RBFOX1: variants seen among roughly 807,000 people sequenced by gnomAD.
RBFOX1 encodes RNA binding protein fox-1 homolog 1.
Under a neutral mutation model 57.7 loss-of-function variants are expected in RBFOX1, and 8 were observed. The observed-to-expected ratio is 0.14, with a 90% CI of 0.08 to 0.25. RBFOX1 has a LOEUF of 0.25. RBFOX1 is among the 10% of genes least tolerant of loss of function. The pLI is 1.00. For missense variants in RBFOX1, 611 were observed against 548.5 expected (o/e 1.11, Z -1.14); for synonymous variants, 326 against 222.4 (o/e 1.47, Z -4.15).
chr16:7,378,392 G>C (rs562993766), intron 4 of RBFOX1, among the ~76,000 whole-genome samples: 1 of 152,238 alleles, frequency 6.6e-6, no homozygotes, highest in East Asian at 1.9e-4. Context: ...AAGCCCCCTG[G>C]AGAGTCCCTG....
At chr16:7,493,181 T>G (rs1316289837) in intron 4 of RBFOX1, among the ~76,000 whole-genome samples, 1 of 152,166 alleles carries the variant, frequency 6.6e-6, no homozygotes, top group Non-Finnish European at 1.5e-5. Context: ...TGCGCAGCCT[T>G]AAGCCCCTTT....
intron 4 of RBFOX1, among the ~76,000 whole-genome samples, chr16:6,007,661 G>A (rs567702962): frequency 6.6e-6 from 1 of 152,196 alleles, no homozygotes; most frequent in Non-Finnish European, 1.5e-5. Flanking sequence ...ACTTTAGTTT[G>A]CGTAAATAGT....
At chr16:6,954,359 C>A (rs546325020) in intron 3 of RBFOX1, among the ~76,000 whole-genome samples, 1 of 152,248 alleles carries the variant, frequency 6.6e-6, no homozygotes, top group Non-Finnish European at 1.5e-5. Context: ...CAATAACGGT[C>A]TTCCATCCAT....
chr16:6,074,376 G>C (rs2095871824), intron 1 of RBFOX1, among the ~76,000 whole-genome samples: 1 of 152,182 alleles, frequency 6.6e-6, no homozygotes, highest in Non-Finnish European at 1.5e-5. Flanking sequence ...TAGCTCTGCA[G>C]ATATTTTCTG....
rs559043761 is a variant in RBFOX1 at position 5,412,227 on chromosome 16, C to T, written c.220-54989C>T. ...TTGCTATGAGAACTTGGGACAGTGA[C>T]CACCTGTCTCCAGTCTTTAGAATCC... On this transcript the variant is annotated intron_variant, in intron 1 of 2. Coordinates refer to the RBFOX1 transcript ENST00000585867. Among the ~76,000 whole-genome samples the T allele has an allele frequency of 4.1e-4, 61 of 150,260 alleles. 1 individual carries two copies. In the South Asian group the frequency reaches 0.012, roughly 29 times the overall value.
intron 10 of RBFOX1, among the ~76,000 whole-genome samples, chr16:7,629,802 C>A (rs1031915123): frequency 6.6e-6 from 1 of 152,192 alleles, no homozygotes; most frequent in East Asian, 1.9e-4. Context: ...CAGGAGGAGG[C>A]AAGTCATTGC....
chr16:5,734,797 G>T (rs959232795), intron 3 of RBFOX1, among the ~76,000 whole-genome samples: 1 of 152,136 alleles, frequency 6.6e-6, no homozygotes, highest in Non-Finnish European at 1.5e-5. Context: ...GATGAGCTCA[G>T]TGGGAGCTCA....
intron 3 of RBFOX1, among the ~76,000 whole-genome samples, chr16:6,981,027 A>G (rs1226427311): frequency 4.7e-5 from 6 of 127,246 alleles, no homozygotes; most frequent in Non-Finnish European, 8.0e-5. Context: ...TGGGTGGCAG[A>G]GCAAGTCTCA....
At chr16:6,994,065 C>A (rs959905081) in intron 3 of RBFOX1, among the ~76,000 whole-genome samples, 2 of 152,070 alleles carry the variant, frequency 1.3e-5, no homozygotes, top group Non-Finnish European at 2.9e-5. Context: ...AACAAACAGG[C>A]CTTAGTGCAC....
At chr16:7,255,116 A>G (rs913479240) in intron 4 of RBFOX1, among the ~76,000 whole-genome samples, 5 of 152,200 alleles carry the variant, frequency 3.3e-5, no homozygotes, top group African/African-American at 1.2e-4. Flanking sequence ...TGTGCCAAAA[A>G]TAACCCCATC....
intron 4 of RBFOX1, among the ~76,000 whole-genome samples, chr16:7,238,896 G>C (rs995691380): frequency 5.9e-5 from 9 of 152,110 alleles, no homozygotes; most frequent in African/African-American, 1.9e-4. Flanking sequence ...TGCAGTGTTT[G>C]GTTTTATGTT....
chr16:7,577,861 T>C (rs11645171), intron 5 of RBFOX1, among the ~76,000 whole-genome samples: 48,521 of 152,134 alleles, frequency 0.32, 8,979 homozygotes, highest in East Asian at 0.53. Context: ...TGCCATGGCA[T>C]TCCAGCCTGA....
intron 4 of RBFOX1, among the ~76,000 whole-genome samples, chr16:7,124,034 G>T (rs1235441613): frequency 6.6e-6 from 1 of 152,122 alleles, no homozygotes; most frequent in East Asian, 1.9e-4. Context: ...CTAGGTCAAA[G>T]GTTATGTATA....
chr16:5,450,560 T>G (rs1475199231), intron 1 of RBFOX1, among the ~76,000 whole-genome samples: 1 of 152,194 alleles, frequency 6.6e-6, no homozygotes, highest in Non-Finnish European at 1.5e-5. Flanking sequence ...GCACATCCCT[T>G]TCTTTCTTTG....
chr16:6,503,956 C>T (rs1003404701), intron 2 of RBFOX1, among the ~76,000 whole-genome samples: 12 of 152,192 alleles, frequency 7.9e-5, no homozygotes, highest in Non-Finnish European at 1.6e-4. Flanking sequence ...TCATCTTTGG[C>T]ACTTGAATTC....
intron 3 of RBFOX1, among the ~76,000 whole-genome samples, chr16:7,025,832 G>C (rs913448665): frequency 6.6e-6 from 1 of 152,182 alleles, no homozygotes; most frequent in African/African-American, 2.4e-5. Context: ...ATATCTGACA[G>C]CAACCCCAGG....
intron 3 of RBFOX1, among the ~76,000 whole-genome samples, chr16:6,724,774 T>C (rs1264481665): frequency 2.6e-5 from 4 of 152,122 alleles, no homozygotes; most frequent in African/African-American, 9.7e-5. Flanking sequence ...ACTTGCAGAA[T>C]GTGCAGGTTT....
chr16:7,603,892 T>C (rs975545910), intron 9 of RBFOX1, among the ~76,000 whole-genome samples: 1 of 151,974 alleles, frequency 6.6e-6, no homozygotes, highest in Admixed American at 6.6e-5. Context: ...TTTAAAAAAA[T>C]TGCTTTGGTC....
chr16:6,535,760 A>G (rs1322564286), intron 2 of RBFOX1, among the ~76,000 whole-genome samples: 3 of 152,248 alleles, frequency 2.0e-5, no homozygotes, highest in Admixed American at 6.5e-5. Flanking sequence ...CTCTGGGGCT[A>G]TCACAACCAG....
Sources: allele counts gnomAD v4.1 joint callset (sites outside exome capture counted in the v4.1 genomes callset), GRCh38; gene constraint gnomAD v4.1.1; transcripts MANE v1.5; gene names NCBI Gene and HGNC (gene_info 2026-07-23, HGNC 2026-07-21).